Variants in TBL1XR1 observed in about 807,000 individuals in gnomAD.
TBL1XR1 encodes the protein TBL1X/Y related 1.
In TBL1XR1, 5 loss-of-function variants were observed where a neutral mutation model predicts 66.9. The observed-to-expected ratio is 0.07, with a 90% confidence interval of 0.04 to 0.16. The LOEUF (loss-of-function observed/expected upper bound fraction) is 0.16. Among genes scored for constraint, TBL1XR1 ranks in the 10% least tolerant of loss-of-function variants. The pLI is 1.00. For synonymous variants in TBL1XR1, 210 were observed against 206.0 expected (o/e 1.02, Z -0.17); for missense variants, 238 against 623.2 (o/e 0.38, Z 6.58).
In TBL1XR1 at chr3:177,122,288, T is replaced by TA. The variant is rs11342009; in HGVS notation, c.-121-23748dup. Among the ~76,000 whole-genome samples the TA allele has an allele frequency of 6.7e-3, 955 of 142,876 alleles. 17 individuals are homozygous for TA. The highest frequency in any genetic ancestry group is 0.022 in the African/African-American group (842 of 38,576). The allele number at this position is 142,876 out of a possible 152,430, so 93.7% of individuals were successfully genotyped here. A position where few individuals can be genotyped will look rare whatever the true frequency, so the allele number is the denominator to read the frequency against. The stretch of plus-strand genomic sequence containing the variant: ...TAATACATAACTTATATAAGACAGA[T>TA]AAAAAAAAAAAAAAACACTGTAAGC... On this transcript the variant is annotated intron_variant, in intron 1 of 15. Transcript: ENST00000457928.
intron 2 of TBL1XR1, among the ~76,000 whole-genome samples, chr3:177,079,096 C>T (rs1041916085): frequency 5.3e-5 from 8 of 151,880 alleles, no homozygotes; most frequent in African/African-American, 1.7e-4. Flanking sequence ...GCAGTTACAT[C>T]ACACTGTTGG....
chr3:177,178,166 T>C (rs1734378411), intron 1 of TBL1XR1, among the ~76,000 whole-genome samples: 1 of 152,138 alleles, frequency 6.6e-6, no homozygotes, highest in Non-Finnish European at 1.5e-5. Context: ...TGAAACAAGA[T>C]AAGGTTTGTG....
At chr3:177,060,036 G>T (rs919857328) in intron 3 of TBL1XR1, among the ~76,000 whole-genome samples, 4 of 152,130 alleles carry the variant, frequency 2.6e-5, no homozygotes, top group Non-Finnish European at 5.9e-5. Context: ...TCGGGCCTTT[G>T]GCCACAGATG....
chr3:177,043,294 T>C (rs1421387030), intron 10 of TBL1XR1, among the ~76,000 whole-genome samples: 1 of 152,220 alleles, frequency 6.6e-6, no homozygotes, highest in East Asian at 1.9e-4. Flanking sequence ...ATAATTTCTA[T>C]TTCCTTTGAA....
intron 10 of TBL1XR1, among the ~76,000 whole-genome samples, chr3:177,040,709 C>T (rs1255085981): frequency 6.6e-6 from 1 of 151,730 alleles, no homozygotes; most frequent in Non-Finnish European, 1.5e-5. Context: ...AAAGACAAAT[C>T]AGGTAAGCCC....
chr3:177,033,847 T>C (rs1714367940), intron 13 of TBL1XR1, among the ~76,000 whole-genome samples: 1 of 152,128 alleles, frequency 6.6e-6, no homozygotes, highest in Non-Finnish European at 1.5e-5. Flanking sequence ...CCAAATATCA[T>C]GTTCTGACTT....
At chr3:177,080,072 A>C (rs756425215) in intron 2 of TBL1XR1, 6 of 152,212 alleles carry the variant, frequency 3.9e-5, no homozygotes, top group Non-Finnish European at 7.3e-5. Context: ...GTAAGGTTTA[A>C]CTGTTAACAC....
intron 1 of TBL1XR1, among the ~76,000 whole-genome samples, chr3:177,152,160 T>A (rs1479683291): frequency 6.6e-6 from 1 of 152,248 alleles, no homozygotes; most frequent in Non-Finnish European, 1.5e-5. Flanking sequence ...CTGGCTATGT[T>A]GAAAACTTCT....
intron 1 of TBL1XR1, among the ~76,000 whole-genome samples, chr3:177,100,334 A>G (rs1278157727): frequency 6.6e-6 from 1 of 152,226 alleles, no homozygotes; most frequent in Non-Finnish European, 1.5e-5. Flanking sequence ...TACATTCTTA[A>G]TGTCTTAATG....
chr3:177,109,885 T>G (rs1725339313), intron 1 of TBL1XR1, among the ~76,000 whole-genome samples: 1 of 152,178 alleles, frequency 6.6e-6, no homozygotes, highest in Non-Finnish European at 1.5e-5. Flanking sequence ...GGAAGCTTCC[T>G]GTATGCTCGA....
chr3:177,075,603 A>C (rs1720602891), intron 2 of TBL1XR1, among the ~76,000 whole-genome samples: 1 of 152,222 alleles, frequency 6.6e-6, no homozygotes, highest in Non-Finnish European at 1.5e-5. Context: ...AAAAAGTAAC[A>C]GATTTGAAGG....
chr3:177,151,318 T>A (rs371957097), intron 1 of TBL1XR1, among the ~76,000 whole-genome samples: 2 of 152,204 alleles, frequency 1.3e-5, no homozygotes, highest in African/African-American at 4.8e-5. Flanking sequence ...ACAGTTGCAT[T>A]TGATTTTCTT....
chr3:177,171,796 A>G (rs955601955), intron 1 of TBL1XR1, among the ~76,000 whole-genome samples: 3 of 152,034 alleles, frequency 2.0e-5, no homozygotes, highest in Admixed American at 6.6e-5. Context: ...GGGCTAGAAA[A>G]GAAAAATACC....
chr3:177,090,863 C>T (rs1252940727), intron 2 of TBL1XR1, among the ~76,000 whole-genome samples: 1 of 152,020 alleles, frequency 6.6e-6, no homozygotes, highest in Non-Finnish European at 1.5e-5. Flanking sequence ...TGGCATGCAC[C>T]TGTGGTCCCA....
intron 1 of TBL1XR1, among the ~76,000 whole-genome samples, chr3:177,195,288 T>A (rs552914365): frequency 6.6e-6 from 1 of 152,056 alleles, no homozygotes; most frequent in East Asian, 1.9e-4. Context: ...CAGGCATACT[T>A]TCTTCCTGCA....
At chr3:177,130,274 T>C (rs1456169222) in intron 1 of TBL1XR1, among the ~76,000 whole-genome samples, 1 of 152,150 alleles carries the variant, frequency 6.6e-6, no homozygotes, top group African/African-American at 2.4e-5. Flanking sequence ...AAATAACTTA[T>C]ATACAATGTT....
intron 1 of TBL1XR1, among the ~76,000 whole-genome samples, chr3:177,187,129 T>C (rs955207976): frequency 6.7e-6 from 1 of 149,026 alleles, no homozygotes; most frequent in Non-Finnish European, 1.5e-5. Flanking sequence ...ATCGTGCCAC[T>C]GTACTCCAGC....
intron 7 of TBL1XR1, chr3:177,047,826 A>C (rs1716524775): frequency 2.6e-6 from 1 of 378,808 alleles, no homozygotes; most frequent in Admixed American, 4.0e-5. Flanking sequence ...CATGCATGCC[A>C]AAAGTATTCT....
At position 177,026,069 on chromosome 3, in the gene TBL1XR1, C is replaced by T. The variant is rs146325829; in HGVS notation, c.1518+304G>A. 292 of 380,414 alleles carry T rather than the reference C, an allele frequency of 7.7e-4. 2 individuals are homozygous for T. The highest frequency in any genetic ancestry group is 5.9e-3 in the African/African-American group (274 of 46,550). The allele number at this position is 380,414 out of a possible 1,614,324, so 23.6% of individuals were successfully genotyped here. A position where few individuals can be genotyped will look rare whatever the true frequency, so the allele number is the denominator to read the frequency against. ...GTGAAGAGGAGAAGGTAGAAATACA[C>T]ATTAAACATTTCAATCCTTCTCAGA... On this transcript the variant is annotated intron_variant, in intron 15 of 15. Transcript: ENST00000457928.
Sources: gnomAD v4.1 joint callset for allele counts (sites outside exome capture counted in the v4.1 genomes callset) on GRCh38, gnomAD v4.1.1 for gene constraint, MANE v1.5 for transcripts, NCBI Gene and HGNC (gene_info 2026-07-23, HGNC 2026-07-21) for gene names.